Variants in PREPL observed in about 807,000 individuals in gnomAD.
The protein encoded by PREPL is prolyl endopeptidase-like.
Under a neutral mutation model 70.6 loss-of-function variants are expected in PREPL, and 77 were observed. That is an observed-to-expected ratio of 1.09 (90% CI 0.91 to 1.32). PREPL has a LOEUF of 1.32. Ranked by LOEUF, PREPL falls within the 40% of genes most tolerant of loss-of-function variation. PREPL has a pLI of 0.00. For synonymous variants in PREPL, 315 were observed against 264.8 expected (o/e 1.19, Z -1.84); for missense variants, 1,002 against 778.2 (o/e 1.29, Z -3.42).
At position 44,320,575 on chromosome 2, in the gene PREPL, G is replaced by C; in HGVS notation, c.*781C>G. On this transcript the variant is annotated 3_prime_UTR_variant, in exon 14 of 14. Coordinates refer to ENST00000409411, the MANE Select transcript of PREPL (RefSeq NM_001171613.2). ...CATCGCCAAACAGCTTTCAGAGATA[G>C]ATGCTTTGTTTCCAATCGAGCATGC... is the stretch of plus-strand genomic sequence containing the variant. 6.2e-7 allele frequency: 1 copy of C among 1,614,070 alleles called. No homozygotes were observed.
chr2:44,360,274 TTTATC>T (rs1339441925), intron 1 of PREPL: 2 of 152,202 alleles, frequency 1.3e-5, no homozygotes, highest in African/African-American at 4.8e-5. Flanking sequence ...GCCAGGTGCT[TTTATC>T]TTGTTTGTCT....
rs1672738846 is a variant in PREPL at position 44,319,489 on chromosome 2, A to G, written c.*1867T>C. On this transcript the variant is annotated 3_prime_UTR_variant, in exon 14 of 14. Coordinates refer to ENST00000409411, the MANE Select transcript of PREPL (RefSeq NM_001171613.2). ...ACCGTTCAACAGAATATTGTCATTA[A>G]AAACATTTATGGAGGCTATATTATA... is the stretch of plus-strand genomic sequence containing the variant. 6.6e-6 allele frequency: 1 copy of G among 151,732 alleles called. No individual in the cohort carries two copies. Among genetic ancestry groups the G allele is most frequent in the African/African-American group, 2.4e-5 (1 of 41,354 alleles). The allele number at this position is 151,732 out of a possible 1,614,324, so 9.4% of individuals were successfully genotyped here.
chr2:44,330,764 T>A (rs1674008086), intron 8 of PREPL, among the ~76,000 whole-genome samples: 1 of 152,218 alleles, frequency 6.6e-6, no homozygotes, highest in Non-Finnish European at 1.5e-5. Flanking sequence ...TTCCTTAAAT[T>A]CAAGGCTATA....
rs1217339994 is a variant in PREPL, at chr2:44,318,297, G to A, written c.*3059C>T. ...AGTAGAGATGGTGTTTCACCATGTT[G>A]GCCAGGCTGGTCTTGAACTCCTGAC... On this transcript the variant is annotated 3_prime_UTR_variant, in exon 14 of 14. Transcript: ENST00000409411. The A allele has an allele frequency of 3.8e-6, 1 of 260,538 alleles. No individual in the cohort carries two copies. Among genetic ancestry groups the A allele is most frequent in the Non-Finnish European group, 7.8e-6 (1 of 128,590 alleles). The allele number at this position is 260,538 out of a possible 1,614,324, so 16.1% of individuals were successfully genotyped here.
chr2:44,336,104 T>A (rs1309178891), intron 7 of PREPL, among the ~76,000 whole-genome samples: 1 of 152,152 alleles, frequency 6.6e-6, no homozygotes, highest in Non-Finnish European at 1.5e-5. Context: ...ACACTGCTAG[T>A]GGAAATGTAA....
chr2:44,322,939 C>A lies in PREPL; in HGVS notation c.1630-85G>T, dbSNP rs966112803. On this transcript the variant is annotated intron_variant, in intron 11 of 13. Coordinates refer to ENST00000409411, the MANE Select transcript of PREPL (RefSeq NM_001171613.2). ...AGAGACTATGAAAAATAATTACCTC[C>A]AATTTTTCCCTGTAAGTGCTCTATG... 4 of 1,510,736 alleles carry A rather than the reference C, an allele frequency of 2.6e-6. No individual in the cohort carries two copies. In the African/African-American group the frequency reaches 4.2e-5, roughly 16 times the overall value. 93.6% of individuals were successfully genotyped at this position (1,510,736 alleles called of 1,614,324 possible).
upstream of PREPL, chr2:44,361,514 G>C (rs1046867443): frequency 6.5e-6 from 1 of 153,424 alleles, no homozygotes; most frequent in Admixed American, 6.5e-5. Context: ...CCCACAGAAC[G>C]ACAACTTACC....
In PREPL at chr2:44,338,600, T is replaced by G. The variant is rs1413488971; in HGVS notation, c.703-64A>C. Reference sequence around the variant, plus strand: ...ACACGAAGGCTGCAGCATCCAGAGATGCAATCACTGAGAACTAGACCATAC... The same window carrying G: ...ACACGAAGGCTGCAGCATCCAGAGAGGCAATCACTGAGAACTAGACCATAC... On this transcript the variant is annotated intron_variant, in intron 6 of 13. Coordinates refer to ENST00000409411, the MANE Select transcript of PREPL (RefSeq NM_001171613.2). The G allele has an allele frequency of 6.5e-5, 87 of 1,328,372 alleles. 1 individual carries two copies. Among genetic ancestry groups the G allele is most frequent in the Non-Finnish European group, 8.4e-5 (81 of 966,672 alleles). 82.3% of individuals were successfully genotyped at this position (1,328,372 alleles called of 1,614,324 possible). A position where few individuals can be genotyped will look rare whatever the true frequency, so the allele number is the denominator to read the frequency against.
intron 5 of PREPL, among the ~76,000 whole-genome samples, chr2:44,339,735 T>C (rs1271915810): frequency 6.6e-6 from 1 of 152,168 alleles, no homozygotes; most frequent in African/African-American, 2.4e-5. Flanking sequence ...ACTACAAACG[T>C]CATTTCTCAA....
intron 1 of PREPL, among the ~76,000 whole-genome samples, chr2:44,354,583 T>G (rs1229780697): frequency 1.1e-4 from 17 of 152,224 alleles, no homozygotes; most frequent in African/African-American, 4.1e-4. Flanking sequence ...CCTCTCTTTT[T>G]TTTTTTTGAG....
At chr2:44,321,926 T>G (rs1178868330) in intron 12 of PREPL, 26 bp from the exon 13 acceptor site, 1 of 1,601,084 alleles carries the variant, frequency 6.2e-7, no homozygotes, top group East Asian at 2.2e-5. Flanking sequence ...TGTAGAACAA[T>G]TAGAAGATTG....
Position 44,346,280 on chromosome 2 carries a change from G to A in PREPL, c.63C>T (p.Ile21=), listed in dbSNP as rs759929965. Residue 21 remains isoleucine, a synonymous_variant, in exon 2 of 14, where the codon ATC becomes ATT. Transcript: ENST00000409411. ...TGAGATATCTTACTTCCACATTGAT[G>A]ATTTCATATTCTTCTTGTGGCTGTG... ...LETQPQEEYE[I]INVEVKHGGF... is the part of the protein sequence containing the mutation. 4.3e-6 allele frequency: 7 copies of A among 1,610,830 alleles called. No homozygotes were observed. In the East Asian group the frequency reaches 6.7e-5, roughly 15 times the overall value.
chr2:44,353,755 C>A (rs972803950), intron 1 of PREPL, among the ~76,000 whole-genome samples: 3 of 152,030 alleles, frequency 2.0e-5, no homozygotes, highest in African/African-American at 7.3e-5. Flanking sequence ...CAAGACAATT[C>A]AATGGAAAAA....
intron 9 of PREPL, among the ~76,000 whole-genome samples, chr2:44,327,839 G>A (rs1269469681): frequency 6.6e-6 from 1 of 151,802 alleles, no homozygotes; most frequent in East Asian, 1.9e-4. Flanking sequence ...CTCTAGCCTG[G>A]GAGACAGAGT....
At chr2:44,359,609 T>A in intron 1 of PREPL, 6 of 1,611,382 alleles carry the variant, frequency 3.7e-6, no homozygotes, top group South Asian at 1.1e-5. Context: ...ATTGTAACAA[T>A]GATCAGCGAA....
chr2:44,349,493 A>T (rs931067982), intron 1 of PREPL, among the ~76,000 whole-genome samples: 3 of 152,224 alleles, frequency 2.0e-5, no homozygotes, highest in African/African-American at 7.2e-5. Context: ...AACAGAATGC[A>T]ATATGAAGCA....
chr2:44,320,348 C>T lies in PREPL; in HGVS notation c.*1008G>A, dbSNP rs142141929. 1,195 of 1,614,078 alleles carry T rather than the reference C, an allele frequency of 7.4e-4. 1 individual carries two copies. The highest frequency in any genetic ancestry group is 9.6e-4 in the Non-Finnish European group (1,134 of 1,179,968). On this transcript the variant is annotated 3_prime_UTR_variant, in exon 14 of 14. Transcript: ENST00000409411. The stretch of plus-strand genomic sequence containing the variant: ...TGTACACAAGAGAGCTGGATGGCAT[C>T]GACAGAATCTTTATCGTGGTTCTGA...
intron 5 of PREPL, among the ~76,000 whole-genome samples, chr2:44,341,660 AT>A (rs1675234862): frequency 6.6e-6 from 1 of 151,888 alleles, no homozygotes; most frequent in Non-Finnish European, 1.5e-5. Flanking sequence ...TTTTTTTCCA[AT>A]TATTTCTATC....
At chr2:44,337,066 T>C (rs936315045) in intron 7 of PREPL, among the ~76,000 whole-genome samples, 1 of 152,202 alleles carries the variant, frequency 6.6e-6, no homozygotes, top group Non-Finnish European at 1.5e-5. Context: ...AAATTCCTCA[T>C]ATTGACACTC....
Sources: gnomAD v4.1 joint callset for allele counts (sites outside exome capture counted in the v4.1 genomes callset) on GRCh38, gnomAD v4.1.1 for gene constraint, MANE v1.5 for transcripts, NCBI Gene and HGNC (gene_info 2026-07-23, HGNC 2026-07-21) for gene names.